The following LPL variants were observed in gnomAD, a reference collection of about 807,000 sequenced individuals.
LPL encodes the protein phospholipase A1.
Under a neutral mutation model 52.2 loss-of-function variants are expected in LPL, and 43 were observed. The ratio of observed to expected loss-of-function variants is 0.82; its 90% confidence interval spans 0.64 to 1.06. LPL has a LOEUF of 1.06. Among genes scored for constraint, LPL ranks in the 50% least tolerant of loss-of-function variants. The probability of loss-of-function intolerance (pLI) is 0.00; values close to 1 mark genes in which losing one functional copy is unlikely to be tolerated. For missense variants in LPL, 639 were observed against 585.3 expected (o/e 1.09, Z -0.95); for synonymous variants, 244 against 215.6 (o/e 1.13, Z -1.15).
rs115851910 is a variant in LPL at position 19,943,558 on chromosome 8, T to A, written c.88+4030T>A. On this transcript the variant is annotated intron_variant, in intron 1 of 9. Coordinates refer to ENST00000650287, the MANE Select transcript of LPL (RefSeq NM_000237.3). ...GACAACTGGATGTTTCCATTTGCCA[T>A]CCTCAGCAACAAGAAGAAAGTAGTC... 6.2e-3 allele frequency among the ~76,000 whole-genome samples: 938 copies of A among 152,302 alleles called. 10 individuals carry two copies. The highest frequency in any genetic ancestry group is 0.021 in the African/African-American group (883 of 41,564).
rs754219549 is a variant in LPL, at chr8:19,961,080, A to G, written c.1319A>G (p.Lys440Arg). ...AGAGTAAAAGCAGGAGAGACTCAGA[A>G]AAAGTAATTAAATGTATTTTTCTTC... Reference protein sequence around the residue: ...KIRVKAGETQKKVIFCSREKV... With the variant: ...KIRVKAGETQRKVIFCSREKV... The change falls in exon 8 of 10, where the codon AAA (lysine) becomes AGA (arginine). Residue 440 changes from lysine to arginine, a missense_variant. Physicochemically the swap from Lys to Arg is conservative, Grantham distance 26. Coordinates refer to ENST00000650287, the MANE Select transcript of LPL (RefSeq NM_000237.3). 6.2e-6 allele frequency: 10 copies of G among 1,613,922 alleles called. No homozygotes were observed. The South Asian group carries it at 9.9e-5, about 16-fold the overall frequency.
At chr8:19,959,220 A>G (rs772447608) in intron 6 of LPL, 40 bp from the exon 7 acceptor site, 7 of 1,613,684 alleles carry the variant, frequency 4.3e-6, no homozygotes, top group African/African-American at 2.7e-5. Flanking sequence ...TGATATTTTC[A>G]TAAAGATTGA....
chr8:19,954,539 T>G (rs1297640728), intron 5 of LPL, among the ~76,000 whole-genome samples, 186 bp downstream of exon 5: 1 of 152,172 alleles, frequency 6.6e-6, no homozygotes, highest in African/African-American at 2.4e-5. Flanking sequence ...ATTTTATCTT[T>G]TATTTACTAT....
intron 6 of LPL, among the ~76,000 whole-genome samples, chr8:19,958,674 C>T (rs1399628412): frequency 6.6e-6 from 1 of 152,032 alleles, no homozygotes; most frequent in Non-Finnish European, 1.5e-5. Context: ...GTGCCCATTA[C>T]GGAATGGAAA....
At chr8:19,961,702 C>CA (rs324) in intron 8 of LPL, among the ~76,000 whole-genome samples, 50 of 142,666 alleles carry the variant, frequency 3.5e-4, no homozygotes, top group East Asian at 1.2e-3. Context: ...AACAAACAAA[C>CA]AAAAAAAAAA....
At chr8:19,960,775 T>C in intron 7 of LPL, 126 bp from the exon 8 acceptor site, 1 of 708,826 alleles carries the variant, frequency 1.4e-6, no homozygotes, top group Non-Finnish European at 2.5e-6. Flanking sequence ...TTGTTGGACA[T>C]TTTTGTGCAT....
chr8:19,944,452 G>GGA lies in LPL; in HGVS notation c.89-3717_89-3716dup, dbSNP rs1469362208. 2.8e-5 allele frequency among the ~76,000 whole-genome samples: 4 copies of GGA among 142,430 alleles called. No homozygotes were observed. Among genetic ancestry groups the GGA allele is most frequent in the South Asian group, 5.1e-4 (2 of 3,944 alleles). The allele number at this position is 142,430 out of a possible 152,430, so 93.4% of individuals were successfully genotyped here. ...CCCTGTAGGAGTGAGAGAAAAGGGG[G>GGA]GAGAGAGAGAGAAAGGGGTGGGGGG... On this transcript the variant is annotated intron_variant, in intron 1 of 9. Transcript: ENST00000650287. This position sits in a 1 kb window ranked among gnomAD's most constrained non-coding sequence, Gnocchi z 4.2.
intron 7 of LPL, 28 bp from the exon 8 acceptor site, chr8:19,960,873 T>C (rs755257326): frequency 1.4e-5 from 22 of 1,595,870 alleles, no homozygotes; most frequent in Non-Finnish European, 1.8e-5. Flanking sequence ...TCTCTATAAC[T>C]AACCAAATTT....
chr8:19,955,074 T>A (rs1001888531), intron 5 of LPL, among the ~76,000 whole-genome samples: 1 of 152,188 alleles, frequency 6.6e-6, no homozygotes, highest in African/African-American at 2.4e-5. Context: ...TTCTCGTTAT[T>A]TTTGTGCACG....
intron 9 of LPL, among the ~76,000 whole-genome samples, chr8:19,963,445 A>C (rs1419368556): frequency 6.6e-6 from 1 of 151,880 alleles, no homozygotes; most frequent in East Asian, 1.9e-4. Context: ...CAAAAAAAAA[A>C]AAAACATGCC....
At chr8:19,943,124 G>T (rs1430771489) in intron 1 of LPL, among the ~76,000 whole-genome samples, 4 of 152,224 alleles carry the variant, frequency 2.6e-5, no homozygotes, top group Non-Finnish European at 4.4e-5. Context: ...ACCCACTTTG[G>T]TGTGTGCGCT....
In LPL at chr8:19,955,937, G is replaced by A; in HGVS notation, c.872G>A (p.Cys291Tyr). The A allele has an allele frequency of 6.2e-7, 1 of 1,614,154 alleles. No homozygotes were observed. The change falls in exon 6 of 10, where the codon TGC becomes TAC. Residue 291 changes from cysteine (C) to tyrosine (Y), a missense_variant. Cys to Tyr is a radical substitution (Grantham distance 194). Coordinates refer to ENST00000650287, the MANE Select transcript of LPL (RefSeq NM_000237.3). ...NEENPSKAYR[C>Y]SSKEAFEKGL... Reference sequence around the variant, plus strand: ...GAAAATCCAAGTAAGGCCTACAGGTGCAGTTCCAAGGAAGCCTTTGAGAAA... The same window carrying A: ...GAAAATCCAAGTAAGGCCTACAGGTACAGTTCCAAGGAAGCCTTTGAGAAA...
chr8:19,961,042 C>T lies in LPL; in HGVS notation c.1281C>T (p.Ala427=). 1 of 1,614,096 alleles carries T rather than the reference C, an allele frequency of 6.2e-7. No homozygotes were observed. Residue 427 remains alanine (A), a synonymous_variant, in exon 8 of 10, where the codon GCC becomes GCT. Coordinates refer to ENST00000650287, the MANE Select transcript of LPL (RefSeq NM_000237.3). ...ACTGGTGGAGCAGTCCCGGCTTCGC[C>T]ATTCAGAAGATCAGAGTAAAAGCAG... ...WSDWWSSPGF[A]IQKIRVKAGE... is the part of the protein sequence containing the mutation.
intron 2 of LPL, among the ~76,000 whole-genome samples, chr8:19,951,436 G>A (rs1389375136): frequency 6.6e-6 from 1 of 152,162 alleles, no homozygotes; most frequent in East Asian, 1.9e-4. Flanking sequence ...TTTCCTCAAA[G>A]ACCCACTTTG....
intron 1 of LPL, chr8:19,946,397 T>A (rs920695899): frequency 1.8e-5 from 3 of 164,874 alleles, no homozygotes; most frequent in African/African-American, 7.2e-5. Flanking sequence ...ACCACAATAT[T>A]GTTTAAGGAA....
rs2069963510 is a variant in LPL at position 19,954,305 on chromosome 8, T to A, written c.727T>A (p.Cys243Ser). Residue 243 changes from cysteine (C) to serine (S), a missense_variant, in exon 5 of 10, where the codon TGT (cysteine) becomes AGT (serine). Cys to Ser is a moderately radical substitution (Grantham distance 112, BLOSUM62 -1). Coordinates refer to ENST00000650287, the MANE Select transcript of LPL (RefSeq NM_000237.3). The part of the protein sequence containing the change: ...YPNGGTFQPG[C>S]NIGEAIRVIA... ...GAATGGAGGTACTTTTCAGCCAGGA[T>A]GTAACATTGGAGAAGCTATCCGCGT... is the stretch of plus-strand genomic sequence containing the variant. 1.9e-6 allele frequency: 3 copies of A among 1,614,194 alleles called. No homozygotes were observed. The highest frequency in any genetic ancestry group is 1.6e-4 in the Middle Eastern group (1 of 6,062).
Position 19,966,561 on chromosome 8 carries a change from T to A in LPL, c.*1251T>A, listed in dbSNP as rs998571455. ...ACGTATAAATATGAAATGATAAAGA[T>A]GTCAAATATCTCAGAGGCTATAGCT... On this transcript the variant is annotated 3_prime_UTR_variant, in exon 10 of 10. Coordinates refer to ENST00000650287, the MANE Select transcript of LPL (RefSeq NM_000237.3). The A allele has an allele frequency of 6.6e-6, 1 of 152,190 alleles. No homozygotes were observed. The highest frequency in any genetic ancestry group is 2.1e-4 in the South Asian group (1 of 4,826). 9.4% of individuals were successfully genotyped at this position (152,190 alleles called of 1,614,324 possible). A position where few individuals can be genotyped will look rare whatever the true frequency, so the allele number is the denominator to read the frequency against.
At chr8:19,945,247 T>C (rs1184713624) in intron 1 of LPL, among the ~76,000 whole-genome samples, 1 of 152,054 alleles carries the variant, frequency 6.6e-6, no homozygotes, top group Non-Finnish European at 1.5e-5. Context: ...ATGGTCTAAG[T>C]CAGTTACTGG....
intron 7 of LPL, 136 bp downstream of exon 7, chr8:19,959,516 G>C (rs779969738): frequency 9.0e-7 from 1 of 1,113,780 alleles, no homozygotes; most frequent in African/African-American, 1.6e-5. Context: ...CAAAATTGAG[G>C]TCTTTCCTCT....
Sources: allele counts gnomAD v4.1 joint callset (sites outside exome capture counted in the v4.1 genomes callset), GRCh38; gene constraint gnomAD v4.1.1; non-coding constraint Gnocchi (gnomAD v3.1); transcripts MANE v1.5; gene names NCBI Gene and HGNC (gene_info 2026-07-23, HGNC 2026-07-21).